The following AOPEP variants were observed in gnomAD, a reference collection of about 807,000 sequenced individuals.
The protein encoded by AOPEP is aminopeptidase O (putative).
In AOPEP, 77 loss-of-function variants were observed where a neutral mutation model predicts 98.1. The ratio of observed to expected loss-of-function variants is 0.78; its 90% CI spans 0.65 to 0.95. The LOEUF is 0.95. AOPEP is among the 40% of genes least tolerant of loss of function. The probability of loss-of-function intolerance (pLI) is 0.00; values close to 1 mark genes in which losing one functional copy is unlikely to be tolerated. For missense variants in AOPEP, 1,024 were observed against 1,024.7 expected (o/e 1.00, Z 0.01); for synonymous variants, 346 against 365.3 (o/e 0.95, Z 0.60).
intron 9 of AOPEP, among the ~76,000 whole-genome samples, chr9:94,964,909 G>T (rs1194036552): frequency 1.3e-5 from 2 of 152,044 alleles, no homozygotes; most frequent in Non-Finnish European, 2.9e-5. Flanking sequence ...AAAGTTCTGG[G>T]ATTACAGGCG....
intron 5 of AOPEP, among the ~76,000 whole-genome samples, chr9:94,856,216 G>C (rs1284246246): frequency 6.6e-6 from 1 of 152,224 alleles, no homozygotes; most frequent in Non-Finnish European, 1.5e-5. Flanking sequence ...CTCAGGTATA[G>C]TGTTAGCACA....
At chr9:94,890,361 A>G (rs1354369422) in intron 5 of AOPEP, among the ~76,000 whole-genome samples, 1 of 151,390 alleles carries the variant, frequency 6.6e-6, no homozygotes, top group African/African-American at 2.4e-5. Context: ...TGCTCCCCAC[A>G]CATATTGGTC....
chr9:94,798,217 T>C (rs1055096723), intron 4 of AOPEP, among the ~76,000 whole-genome samples: 4 of 152,202 alleles, frequency 2.6e-5, no homozygotes, highest in Non-Finnish European at 5.9e-5. Context: ...TCCATTTCTA[T>C]GGGAGCCTTA....
the AOPEP span, among the ~76,000 whole-genome samples, chr9:95,141,959 A>AT: frequency 6.7e-6 from 1 of 149,926 alleles, no homozygotes; most frequent in African/African-American, 2.4e-5. Context: ...AATAATGGTA[A>AT]TAGTAATATG....
At chr9:95,079,092 A>G (rs2134197403) in intron 14 of AOPEP, among the ~76,000 whole-genome samples, 1 of 152,290 alleles carries the variant, frequency 6.6e-6, no homozygotes, top group South Asian at 2.1e-4. Context: ...GAGGCATGCC[A>G]CTTCAGCACT....
chr9:95,005,711 TA>T (rs2061960495), intron 13 of AOPEP, 95 bp downstream of exon 13: 2 of 983,166 alleles, frequency 2.0e-6, no homozygotes, highest in Non-Finnish European at 3.2e-6. Context: ...GTGTTTAATT[TA>T]AAAAGTTTTT....
the AOPEP span, among the ~76,000 whole-genome samples, chr9:95,134,215 G>A: frequency 6.6e-6 from 1 of 152,184 alleles, no homozygotes; most frequent in Non-Finnish European, 1.5e-5. Flanking sequence ...CGCGGAGGAA[G>A]GCAACTGATT....
intron 5 of AOPEP, among the ~76,000 whole-genome samples, chr9:94,866,887 G>T (rs962233137): frequency 2.6e-5 from 4 of 152,114 alleles, no homozygotes; most frequent in African/African-American, 9.7e-5. Context: ...AAAATGTGAG[G>T]ATTTTTTAAT....
chr9:94,811,981 C>T (rs956516053), intron 5 of AOPEP, among the ~76,000 whole-genome samples: 5 of 152,106 alleles, frequency 3.3e-5, no homozygotes, highest in South Asian at 4.1e-4. Flanking sequence ...ACCAACACTT[C>T]GATAGTTTCA....
At chr9:95,039,302 C>A (rs746071950) in intron 13 of AOPEP, among the ~76,000 whole-genome samples, 1 of 152,090 alleles carries the variant, frequency 6.6e-6, no homozygotes, top group Non-Finnish European at 1.5e-5. Flanking sequence ...TGCGGTGGCT[C>A]ATGCCTGTAT....
At chr9:94,801,081 G>A (rs1049236141) in intron 5 of AOPEP, 79 bp downstream of exon 5, 3 of 1,495,474 alleles carry the variant, frequency 2.0e-6, no homozygotes, top group Non-Finnish European at 2.8e-6. Context: ...CTTGAGCTCT[G>A]TCAGAGCAGT....
intron 7 of AOPEP, among the ~76,000 whole-genome samples, chr9:94,948,954 T>C (rs1420202457): frequency 6.6e-6 from 1 of 152,246 alleles, no homozygotes; most frequent in Admixed American, 6.5e-5. Context: ...GCTCTCTTTA[T>C]GTAGCGTGGG....
chr9:95,097,696 C>G, the AOPEP span, among the ~76,000 whole-genome samples: 2 of 152,202 alleles, frequency 1.3e-5, no homozygotes, highest in Non-Finnish European at 2.9e-5. Flanking sequence ...CTGCCCAGAA[C>G]AGCAAGTGCA....
chr9:94,875,171 G>A (rs1030560155), intron 5 of AOPEP, among the ~76,000 whole-genome samples: 6 of 152,008 alleles, frequency 3.9e-5, no homozygotes, highest in Admixed American at 6.6e-5. Context: ...CCTTTAGGGT[G>A]TTAAAGCAGT....
Position 95,082,511 on chromosome 9 carries a change from A to G in AOPEP, c.2320-64A>G, listed in dbSNP as rs115506626. ...TGTGGAACAAGCACAGACTGAGCTC[A>G]TGTGTGCGTGTGTGTGGGTACCCAC... On this transcript the variant is annotated intron_variant, in intron 15 of 16. Coordinates refer to ENST00000375315, the MANE Select transcript of AOPEP (RefSeq NM_001193329.3). 1.2e-4 allele frequency: 188 copies of G among 1,560,520 alleles called. No individual in the cohort carries two copies. In the African/African-American group the frequency reaches 2.2e-3, roughly 18 times the overall value.
chr9:95,044,064 G>A (rs927011317), intron 13 of AOPEP, among the ~76,000 whole-genome samples: 1 of 152,172 alleles, frequency 6.6e-6, no homozygotes, highest in Non-Finnish European at 1.5e-5. Context: ...TAACACGTGC[G>A]AAGTTCTCTG....
intron 15 of AOPEP, among the ~76,000 whole-genome samples, chr9:95,082,093 C>T (rs929917372): frequency 6.6e-6 from 1 of 152,096 alleles, no homozygotes; most frequent in Non-Finnish European, 1.5e-5. Context: ...TGATGTGTCT[C>T]TGCCGCGGCT....
chr9:94,770,457 C>T (rs548792051), intron 2 of AOPEP, among the ~76,000 whole-genome samples: 122 of 152,260 alleles, frequency 8.0e-4, no homozygotes, highest in South Asian at 3.9e-3. Flanking sequence ...AGCTGTTGGC[C>T]GGGGCTGCAG....
chr9:94,966,707 G>A (rs1257582256), intron 9 of AOPEP, among the ~76,000 whole-genome samples: 1 of 152,128 alleles, frequency 6.6e-6, no homozygotes, highest in African/African-American at 2.4e-5. Flanking sequence ...ATACAGAACA[G>A]AAAAATCAGT....
Sources: gnomAD v4.1 joint callset for allele counts (sites outside exome capture counted in the v4.1 genomes callset) on GRCh38, gnomAD v4.1.1 for gene constraint, MANE v1.5 for transcripts, NCBI Gene and HGNC (gene_info 2026-07-23, HGNC 2026-07-21) for gene names.